Variants in GRIA3 observed in about 807,000 individuals in gnomAD.
GRIA3 encodes glutamate receptor 3.
GRIA3 carries 3 observed loss-of-function variants against 63.0 expected under a neutral mutation model. The ratio of observed to expected loss-of-function variants is 0.05; its 90% CI spans 0.02 to 0.12. GRIA3 has a LOEUF of 0.12. Ranked by LOEUF, GRIA3 falls within the 10% of genes least tolerant of loss-of-function variation. GRIA3 has a pLI of 1.00. For synonymous variants in GRIA3, 274 were observed against 257.9 expected (o/e 1.06, Z -0.60); for missense variants, 347 against 700.9 (o/e 0.50, Z 5.70).
intron 5 of GRIA3, among the ~76,000 whole-genome samples, chrX:123,375,177 C>G: frequency 8.9e-6 from 1 of 111,767 alleles, no homozygotes; most frequent in East Asian, 2.8e-4. Flanking sequence ...TGCTTTTTCA[C>G]CATCTATTGA....
intron 3 of GRIA3, among the ~76,000 whole-genome samples, chrX:123,259,505 A>ATG (rs1291602231): frequency 1.7e-3 from 17 of 9,925 alleles, no homozygotes; most frequent in South Asian, 0.014. Flanking sequence ...ACACACACTC[A>ATG]TGCGCGCGCA....
intron 3 of GRIA3, among the ~76,000 whole-genome samples, chrX:123,278,545 T>C (rs2044567830): frequency 8.9e-6 from 1 of 112,450 alleles, no homozygotes; most frequent in Non-Finnish European, 1.9e-5. Context: ...TCCAGTACTT[T>C]TATAGTTTCT....
chrX:123,346,226 G>A (rs1012436602), intron 4 of GRIA3, among the ~76,000 whole-genome samples: 2 of 111,830 alleles, frequency 1.8e-5, no homozygotes, highest in African/African-American at 6.5e-5. Flanking sequence ...AGGTTGAGAG[G>A]TTAGGTAACT....
At chrX:123,454,263 T>A (rs2045750078) in intron 12 of GRIA3, among the ~76,000 whole-genome samples, 2 of 111,016 alleles carry the variant, frequency 1.8e-5, no homozygotes, top group Admixed American at 1.9e-4. Flanking sequence ...ATCCACCACA[T>A]ACCAGCTGTG....
At chrX:123,405,130 T>C (rs2045465732) in intron 10 of GRIA3, among the ~76,000 whole-genome samples, 1 of 112,358 alleles carries the variant, frequency 8.9e-6, no homozygotes, top group African/African-American at 3.2e-5. Context: ...GAAAATAGAA[T>C]TGGGGGATTT....
intron 5 of GRIA3, among the ~76,000 whole-genome samples, chrX:123,373,933 G>A (rs2045266878): frequency 8.9e-6 from 1 of 111,738 alleles, no homozygotes; most frequent in Non-Finnish European, 1.9e-5. Flanking sequence ...CCTTGCCGAT[G>A]CCTATGTCCT....
intron 7 of GRIA3, among the ~76,000 whole-genome samples, chrX:123,399,109 T>C (rs1237915603): frequency 9.0e-6 from 1 of 111,664 alleles, no homozygotes; most frequent in East Asian, 2.8e-4. Context: ...ACAGATTGAA[T>C]ATATAAATAG....
chrX:123,467,639 T>C (rs760166622), intron 13 of GRIA3, among the ~76,000 whole-genome samples: 16 of 112,286 alleles, frequency 1.4e-4, no homozygotes, highest in Non-Finnish European at 2.8e-4. Context: ...GAATTCATCA[T>C]TCATACTCAT....
chrX:123,456,394 G>A (rs2045761457), intron 12 of GRIA3, among the ~76,000 whole-genome samples: 2 of 111,156 alleles, frequency 1.8e-5, no homozygotes, highest in Middle Eastern at 9.3e-3. Context: ...TCTGAATAAG[G>A]GAGTATTTGA....
intron 2 of GRIA3, among the ~76,000 whole-genome samples, chrX:123,195,982 G>A (rs748794473): frequency 9.0e-6 from 1 of 111,238 alleles, no homozygotes; most frequent in Non-Finnish European, 1.9e-5. Flanking sequence ...CAGGCAATGC[G>A]GAGGCCCTCA....
At chrX:123,307,109 C>T (rs2044759730) in intron 3 of GRIA3, among the ~76,000 whole-genome samples, 2 of 111,909 alleles carry the variant, frequency 1.8e-5, no homozygotes, top group South Asian at 3.8e-4. Flanking sequence ...AGGAGACTGT[C>T]AGGCTCTAGG....
intron 3 of GRIA3, among the ~76,000 whole-genome samples, chrX:123,298,003 G>A (rs887960370): frequency 3.6e-5 from 4 of 111,058 alleles, no homozygotes; most frequent in African/African-American, 1.3e-4. Flanking sequence ...GTGTTAGTTT[G>A]CTAAGGATAA....
intron 4 of GRIA3, among the ~76,000 whole-genome samples, chrX:123,333,521 A>T (rs2147337664): frequency 8.9e-6 from 1 of 111,825 alleles, no homozygotes; most frequent in Admixed American, 9.5e-5. Flanking sequence ...GCCCTTAGCA[A>T]TGCGATTCAA....
intron 3 of GRIA3, among the ~76,000 whole-genome samples, chrX:123,259,642 G>C (rs1315771195): frequency 8.9e-6 from 1 of 111,816 alleles, no homozygotes; most frequent in Admixed American, 9.5e-5. Flanking sequence ...ACTAGGCCCT[G>C]AGCTTATGGA....
At chrX:123,399,777 G>A (rs1419207237) in intron 7 of GRIA3, among the ~76,000 whole-genome samples, 1 of 111,954 alleles carries the variant, frequency 8.9e-6, no homozygotes, top group Admixed American at 9.5e-5. Flanking sequence ...ACATCATTTT[G>A]TGTAGCTGGC....
intron 2 of GRIA3, among the ~76,000 whole-genome samples, chrX:123,219,024 T>C (rs1178254562): frequency 8.9e-6 from 1 of 111,918 alleles, no homozygotes; most frequent in African/African-American, 3.3e-5. Flanking sequence ...ATGGCACTTG[T>C]GTGTAACGGG....
intron 2 of GRIA3, among the ~76,000 whole-genome samples, chrX:123,215,451 C>T (rs1271771642): frequency 8.9e-6 from 1 of 111,901 alleles, no homozygotes; most frequent in Non-Finnish European, 1.9e-5. Flanking sequence ...CCCCTTCTCT[C>T]CTTCCCCTCC....
chrX:123,369,437 A>G (rs1005095556), intron 5 of GRIA3, among the ~76,000 whole-genome samples: 2 of 111,512 alleles, frequency 1.8e-5, no homozygotes, highest in Non-Finnish European at 3.8e-5. Flanking sequence ...CTTTTTTCCC[A>G]GTTGCTCAGA....
At chrX:123,389,914 G>A (rs1253396087) in intron 5 of GRIA3, among the ~76,000 whole-genome samples, 1 of 110,990 alleles carries the variant, frequency 9.0e-6, no homozygotes, top group African/African-American at 3.3e-5. Context: ...CACCATGTTA[G>A]CCAGGATGGT....
Sources: gnomAD v4.1 joint callset for allele counts (sites outside exome capture counted in the v4.1 genomes callset) on GRCh38, gnomAD v4.1.1 for gene constraint, MANE v1.5 for transcripts, NCBI Gene and HGNC (gene_info 2026-07-23, HGNC 2026-07-21) for gene names.